The following PTPRD variants were observed in gnomAD, a reference collection of about 807,000 sequenced individuals.
The protein encoded by PTPRD is receptor-type tyrosine-protein phosphatase delta.
A neutral mutation model predicts 214.5 loss-of-function variants in PTPRD; 34 were observed. The observed-to-expected ratio is 0.16, with a 90% CI of 0.12 to 0.21. PTPRD has a LOEUF of 0.21. PTPRD is among the 10% of genes least tolerant of loss of function. PTPRD has a pLI of 1.00. For missense variants in PTPRD, 2,545 were observed against 2,398.7 expected (o/e 1.06, Z -1.27); for synonymous variants, 1,128 against 845.7 (o/e 1.33, Z -5.79).
At chr9:10,470,385 C>T (rs1437032909) in intron 2 of PTPRD, among the ~76,000 whole-genome samples, 3 of 152,006 alleles carry the variant, frequency 2.0e-5, no homozygotes, top group Non-Finnish European at 4.4e-5. Context: ...ATAAAATTAT[C>T]ATAGTAAATG....
chr9:9,232,938 C>T (rs1464469165), intron 9 of PTPRD, among the ~76,000 whole-genome samples: 1 of 152,118 alleles, frequency 6.6e-6, no homozygotes, highest in Non-Finnish European at 1.5e-5. Context: ...AAAAATACTA[C>T]TCTAACCCTC....
chr9:10,184,550 A>G (rs1359852234), intron 3 of PTPRD, among the ~76,000 whole-genome samples: 1 of 152,224 alleles, frequency 6.6e-6, no homozygotes, highest in Admixed American at 6.5e-5. Flanking sequence ...CATAGAATAT[A>G]GTATGTGTTT....
intron 11 of PTPRD, among the ~76,000 whole-genome samples, chr9:8,843,753 C>T (rs940039921): frequency 1.3e-5 from 2 of 152,124 alleles, no homozygotes; most frequent in African/African-American, 4.8e-5. Context: ...GGATCTTCCT[C>T]CCTCAAAGAG....
intron 2 of PTPRD, among the ~76,000 whole-genome samples, chr9:10,391,207 G>A (rs991355686): frequency 2.0e-5 from 3 of 151,796 alleles, no homozygotes; most frequent in African/African-American, 4.8e-5. Context: ...ATGGAAGGCA[G>A]AGAGAACAAA....
At chr9:9,568,350 T>C (rs957661867) in intron 8 of PTPRD, among the ~76,000 whole-genome samples, 3 of 151,882 alleles carry the variant, frequency 2.0e-5, no homozygotes, top group African/African-American at 7.2e-5. Flanking sequence ...AACGATTAAT[T>C]ATAAGCAGAA....
intron 2 of PTPRD, among the ~76,000 whole-genome samples, chr9:10,548,814 T>C (rs1270926138): frequency 6.6e-6 from 1 of 152,140 alleles, no homozygotes; most frequent in Non-Finnish European, 1.5e-5. Context: ...GGTTTCAGCA[T>C]AATTATAAAG....
intron 4 of PTPRD, among the ~76,000 whole-genome samples, chr9:9,939,185 C>G (rs935355600): frequency 2.6e-5 from 4 of 151,978 alleles, no homozygotes; most frequent in African/African-American, 7.3e-5. Context: ...GGAAATAGAC[C>G]GCTTGACCTC....
At chr9:10,447,436 ACT>A (rs753963799) in intron 2 of PTPRD, among the ~76,000 whole-genome samples, 1 of 151,776 alleles carries the variant, frequency 6.6e-6, no homozygotes, top group Non-Finnish European at 1.5e-5. Context: ...ATCTCTGAAC[ACT>A]CTGGCTTTTG....
chr9:9,863,826 A>C (rs576601706), intron 5 of PTPRD, among the ~76,000 whole-genome samples: 1 of 149,038 alleles, frequency 6.7e-6, no homozygotes, highest in South Asian at 2.1e-4. Context: ...GCCAACCTAC[A>C]TGCAGGACGG....
intron 10 of PTPRD, among the ~76,000 whole-genome samples, chr9:9,154,659 C>T (rs2099879686): frequency 6.6e-6 from 1 of 152,102 alleles, no homozygotes; most frequent in Non-Finnish European, 1.5e-5. Context: ...GTAGCATAAC[C>T]TCACTGATAT....
At chr9:10,494,240 T>A (rs2041311981) in intron 2 of PTPRD, among the ~76,000 whole-genome samples, 1 of 151,902 alleles carries the variant, frequency 6.6e-6, no homozygotes, top group Non-Finnish European at 1.5e-5. Context: ...AAAATTTAAT[T>A]CTTTCTTCTT....
In PTPRD at chr9:9,076,900, A is replaced by G. The variant is rs139568357; in HGVS notation, c.-142-58165T>C. Among the ~76,000 whole-genome samples, 875 of 150,808 alleles carry G rather than the reference A, an allele frequency of 5.8e-3. 8 individuals carry two copies. Among genetic ancestry groups the G allele is most frequent in the African/African-American group, 0.02 (828 of 41,092 alleles). On this transcript the variant is annotated intron_variant, in intron 10 of 45. Coordinates refer to ENST00000381196, the MANE Select transcript of PTPRD (RefSeq NM_002839.4). ...CCAAACTGTTCTCCATAGTGATTGT[A>G]CTAATTTACATTCCTACCAACAGTG... is the stretch of plus-strand genomic sequence containing the variant.
intron 9 of PTPRD, among the ~76,000 whole-genome samples, chr9:9,372,774 T>TACCA (rs2059866473): frequency 6.6e-6 from 1 of 152,138 alleles, no homozygotes; most frequent in Non-Finnish European, 1.5e-5. Context: ...CCATGTTTAG[T>TACCA]GCTTCCTTCA....
intron 12 of PTPRD, among the ~76,000 whole-genome samples, chr9:8,708,136 A>G (rs2098247579): frequency 2.0e-5 from 3 of 152,222 alleles, no homozygotes; most frequent in Admixed American, 1.3e-4. Flanking sequence ...TATAAAATTT[A>G]TATCTGTTCT....
chr9:9,986,918 A>C (rs2095734057), intron 4 of PTPRD, among the ~76,000 whole-genome samples: 1 of 151,722 alleles, frequency 6.6e-6, no homozygotes, highest in Admixed American at 6.6e-5. Context: ...TGTAATTAAA[A>C]GATACTCTCT....
rs554904607 is a variant in PTPRD, at chr9:8,317,291, C to T, written c.*583G>A. The T allele has an allele frequency of 4.3e-6, 1 of 231,696 alleles. No homozygotes were observed. The highest frequency in any genetic ancestry group is 2.2e-5 in the African/African-American group (1 of 45,136). The allele number at this position is 231,696 out of a possible 1,614,324, so 14.4% of individuals were successfully genotyped here. ...GTAACTTTTTTAAAATTCACTTTATCGAATGATACATTTTGTTAAAAAAAA... is the reference window on the plus strand; with the variant it reads ...GTAACTTTTTTAAAATTCACTTTATTGAATGATACATTTTGTTAAAAAAAA... On this transcript the variant is annotated 3_prime_UTR_variant, in exon 46 of 46. Transcript: ENST00000381196.
At chr9:9,137,633 A>T (rs1203744459) in intron 10 of PTPRD, among the ~76,000 whole-genome samples, 1 of 152,216 alleles carries the variant, frequency 6.6e-6, no homozygotes, top group Non-Finnish European at 1.5e-5. Flanking sequence ...TGTTTTCTAA[A>T]CAAATTAGTT....
At chr9:9,108,099 AG>A (rs35419168) in intron 10 of PTPRD, among the ~76,000 whole-genome samples, 7 of 152,170 alleles carry the variant, frequency 4.6e-5, no homozygotes, top group Non-Finnish European at 1.0e-4. Flanking sequence ...TAAAACCCTT[AG>A]GGCTCATATC....
At chr9:10,262,184 T>TA (rs578022740) in intron 3 of PTPRD, among the ~76,000 whole-genome samples, 3 of 151,522 alleles carry the variant, frequency 2.0e-5, no homozygotes, top group Non-Finnish European at 2.9e-5. Flanking sequence ...AAAGAAAAAT[T>TA]AAAAAAAAAT....
Sources: gnomAD v4.1 joint callset for allele counts (sites outside exome capture counted in the v4.1 genomes callset) on GRCh38, gnomAD v4.1.1 for gene constraint, MANE v1.5 for transcripts, NCBI Gene and HGNC (gene_info 2026-07-23, HGNC 2026-07-21) for gene names.